Variants in CTBP2 observed in about 807,000 individuals in gnomAD.
CTBP2 encodes C-terminal binding protein 2, also known as C-terminal-binding protein 2.
CTBP2 carries 30 observed loss-of-function variants against 80.3 expected under a neutral mutation model. The observed-to-expected ratio is 0.37, with a 90% CI of 0.28 to 0.51. CTBP2 has a LOEUF of 0.51. CTBP2 is among the 20% of genes least tolerant of loss of function. CTBP2 has a pLI of 0.93. For synonymous variants in CTBP2, 594 were observed against 587.4 expected (o/e 1.01, Z -0.16); for missense variants, 1,212 against 1,375.3 (o/e 0.88, Z 1.88).
intron 3 of CTBP2, among the ~76,000 whole-genome samples, chr10:125,034,147 T>G (rs1228996075): frequency 1.3e-5 from 2 of 152,146 alleles, no homozygotes; most frequent in Non-Finnish European, 2.9e-5. Context: ...GCTTGAGAAA[T>G]GAGTAACAAC....
intron 1 of CTBP2, among the ~76,000 whole-genome samples, chr10:125,119,630 A>C (rs892592068): frequency 6.6e-6 from 1 of 152,250 alleles, no homozygotes; most frequent in Non-Finnish European, 1.5e-5. Flanking sequence ...TTCTTCAGTG[A>C]ATCTCATTTT....
chr10:125,112,170 T>C (rs1852391860), intron 1 of CTBP2, among the ~76,000 whole-genome samples: 1 of 147,054 alleles, frequency 6.8e-6, no homozygotes, highest in Admixed American at 7.1e-5. Flanking sequence ...TGGAGTGCAA[T>C]GGCGCGATCT....
chr10:125,161,631 T>C (rs1861901664), upstream of CTBP2, among the ~76,000 whole-genome samples: 2 of 151,502 alleles, frequency 1.3e-5, no homozygotes, highest in East Asian at 2.0e-4. Flanking sequence ...CGGCGACCGC[T>C]GTGGGTGCGC....
chr10:125,016,670 C>T (rs935007786), intron 1 of CTBP2, among the ~76,000 whole-genome samples: 4 of 152,248 alleles, frequency 2.6e-5, no homozygotes, highest in African/African-American at 9.6e-5. Context: ...TGCTGTCCGG[C>T]AGGCCAAGGG....
At chr10:125,151,267 T>G (rs541722571) in intron 1 of CTBP2, among the ~76,000 whole-genome samples, 1 of 152,272 alleles carries the variant, frequency 6.6e-6, no homozygotes, top group African/African-American at 2.4e-5. Flanking sequence ...CCTACCACTC[T>G]GCGCTCGGAC....
At chr10:125,067,489 G>A (rs1191047623) in intron 2 of CTBP2, among the ~76,000 whole-genome samples, 3 of 152,126 alleles carry the variant, frequency 2.0e-5, no homozygotes, top group South Asian at 2.1e-4. Context: ...GAGGAGATAC[G>A]GAACTCTCCA....
intron 2 of CTBP2, among the ~76,000 whole-genome samples, chr10:125,074,973 G>A (rs1303276951): frequency 6.6e-6 from 1 of 152,164 alleles, no homozygotes; most frequent in Non-Finnish European, 1.5e-5. Context: ...ATAATAGGTG[G>A]GAACCTGGAC....
intron 3 of CTBP2, among the ~76,000 whole-genome samples, chr10:125,037,402 C>G (rs1208265306): frequency 1.3e-5 from 2 of 152,210 alleles, no homozygotes; most frequent in East Asian, 3.8e-4. Flanking sequence ...CCTTGGAAAG[C>G]TGAGTCACGA....
chr10:125,121,055 C>A (rs1192082974), intron 1 of CTBP2, among the ~76,000 whole-genome samples: 2 of 152,208 alleles, frequency 1.3e-5, no homozygotes, highest in East Asian at 3.9e-4. Context: ...ATGGGCAGAT[C>A]CATGAGAGCA....
At chr10:124,993,708 C>T (rs187242466) in intron 6 of CTBP2, 147 bp downstream of exon 8, 7 of 1,093,642 alleles carry the variant, frequency 6.4e-6, no homozygotes, top group Non-Finnish European at 9.2e-6. Flanking sequence ...CAGCACAATC[C>T]TTAGAAGAAC....
chr10:125,049,312 G>A (rs758504292), intron 2 of CTBP2, among the ~76,000 whole-genome samples: 23 of 152,280 alleles, frequency 1.5e-4, no homozygotes, highest in Admixed American at 4.6e-4. Flanking sequence ...TTTCAAAGTC[G>A]CCACAGTTGT....
At position 124,987,380 on chromosome 10, in the gene CTBP2, A is replaced by G. The variant is rs1952079727; in HGVS notation, c.*2138T>C. On this transcript the variant is annotated 3_prime_UTR_variant, in exon 9 of 9. Coordinates refer to ENST00000309035, the MANE Select transcript of CTBP2 (RefSeq NM_022802.3). ...GTCAAATTTATATATATATATATAA[A>G]TTTTTGTTTGGGCGACCAAGATCTA... 1 of 151,830 alleles carries G rather than the reference A, an allele frequency of 6.6e-6. No homozygotes were observed. Among genetic ancestry groups the G allele is most frequent in the Non-Finnish European group, 1.5e-5 (1 of 67,968 alleles). 9.4% of individuals were successfully genotyped at this position (151,830 alleles called of 1,614,324 possible).
At chr10:125,073,889 T>C (rs1275214574) in intron 2 of CTBP2, among the ~76,000 whole-genome samples, 1 of 152,182 alleles carries the variant, frequency 6.6e-6, no homozygotes, top group Non-Finnish European at 1.5e-5. Context: ...CTGTCTGATG[T>C]CATCTTTCCC....
intron 2 of CTBP2, among the ~76,000 whole-genome samples, chr10:125,069,475 G>A (rs1440696387): frequency 3.3e-5 from 5 of 152,128 alleles, no homozygotes; most frequent in Admixed American, 2.0e-4. Flanking sequence ...AAAATTAGCT[G>A]GGCGTTGTGG....
intron 2 of CTBP2, among the ~76,000 whole-genome samples, chr10:125,054,924 A>G (rs1309106198): frequency 1.3e-5 from 2 of 152,188 alleles, no homozygotes; most frequent in African/African-American, 2.4e-5. Context: ...GAAGGAACGG[A>G]AAGTCTGCTG....
intron 2 of CTBP2, among the ~76,000 whole-genome samples, chr10:125,108,057 C>T (rs546311556): frequency 3.3e-5 from 5 of 152,286 alleles, no homozygotes; most frequent in South Asian, 2.1e-4. Flanking sequence ...TGATGGAGAA[C>T]GAAGTCTTTT....
chr10:125,065,204 G>A (rs1020669691), intron 2 of CTBP2, among the ~76,000 whole-genome samples: 1 of 152,174 alleles, frequency 6.6e-6, no homozygotes, highest in African/African-American at 2.4e-5. Context: ...TCAGGTTCCA[G>A]TCTTTCCAGG....
chr10:125,065,911 G>A (rs1311895714), intron 2 of CTBP2, among the ~76,000 whole-genome samples: 1 of 152,082 alleles, frequency 6.6e-6, no homozygotes, highest in Non-Finnish European at 1.5e-5. Context: ...AGACCAGCCT[G>A]GGCAACATGG....
intron 1 of CTBP2, among the ~76,000 whole-genome samples, chr10:125,123,509 T>C (rs1854689722): frequency 6.6e-6 from 1 of 152,220 alleles, no homozygotes. Context: ...TAAGTTTAAT[T>C]TTTAAAATAA....
Sources: allele counts gnomAD v4.1 joint callset (sites outside exome capture counted in the v4.1 genomes callset), GRCh38; gene constraint gnomAD v4.1.1; transcripts MANE v1.5; gene names NCBI Gene and HGNC (gene_info 2026-07-23, HGNC 2026-07-21).